The following CYB5D1 variants were observed in gnomAD, a reference collection of about 807,000 sequenced individuals.
The protein encoded by CYB5D1 is cytochrome b5 domain containing 1, also known as cytochrome b5 domain-containing protein 1.
Under a neutral mutation model 24.3 loss-of-function variants are expected in CYB5D1, and 30 were observed. That is an observed-to-expected ratio of 1.23 (90% CI 0.92 to 1.67). CYB5D1 has a LOEUF of 1.67. Among genes scored for constraint, CYB5D1 ranks in the 40% most tolerant of loss-of-function variants. CYB5D1 has a pLI of 0.00. For missense variants in CYB5D1, 265 were observed against 296.7 expected, an observed-to-expected ratio of 0.89 and a Z score of 0.79; for synonymous variants, 128 against 123.2, an observed-to-expected ratio of 1.04 and a Z score of -0.26.
chr17:7,859,471 G>T lies in CYB5D1; in HGVS notation c.546G>T (p.Gly182=). 2 of 1,614,126 alleles carry T rather than the reference G, an allele frequency of 1.2e-6. No individual in the cohort carries two copies. Among genetic ancestry groups the T allele is most frequent in the Non-Finnish European group, 1.7e-6 (2 of 1,180,034 alleles). Residue 182 remains glycine (G), a synonymous_variant, in exon 4 of 4, where the codon GGG becomes GGT. Transcript: ENST00000332439. Reference sequence around the variant, plus strand: ...CCAGCTACACGTGGAAATATGAAGGGAAGAACCTGAACATGGATTTTACCC... The same window carrying T: ...CCAGCTACACGTGGAAATATGAAGGTAAGAACCTGAACATGGATTTTACCC... ...HAASYTWKYE[G]KNLNMDFTLE...
At chr17:7,859,344 C>A in intron 3 of CYB5D1, 38 bp from the exon 4 acceptor site, 1 of 1,553,772 alleles carries the variant, frequency 6.4e-7, no homozygotes, top group Non-Finnish European at 8.9e-7. Context: ...TATACTCCAT[C>A]CAGAATTCTG....
intron 3 of CYB5D1, 150 bp downstream of exon 3, chr17:7,858,974 A>AG (rs1285905938): frequency 1.4e-6 from 1 of 697,540 alleles, no homozygotes; most frequent in East Asian, 2.8e-5. Context: ...CACAGCACCT[A>AG]GGTCCCCAGG....
At chr17:7,859,198 G>C (rs2078863072) in intron 3 of CYB5D1, 184 bp from the exon 4 acceptor site, 2 of 608,494 alleles carry the variant, frequency 3.3e-6, no homozygotes, top group Non-Finnish European at 2.9e-6. Context: ...GTTAGAAGTG[G>C]CTGCCATTAA....
chr17:7,859,290 G>C, intron 3 of CYB5D1, 92 bp from the exon 4 acceptor site: 1 of 994,196 alleles, frequency 1.0e-6, no homozygotes, highest in Non-Finnish European at 1.5e-6. Flanking sequence ...ACCTGAAGCT[G>C]CTATCTGCCA....
In CYB5D1 at chr17:7,859,418, C is replaced by T. The variant is rs200220699; in HGVS notation, c.493C>T (p.Arg165Cys). Residue 165 changes from arginine (R) to cysteine (C), a missense_variant, in exon 4 of 4, where the codon CGC (arginine) becomes TGC (cysteine). By Grantham distance (180) the Arg-to-Cys change is radical (BLOSUM62 -3). Transcript: ENST00000332439. ...GGAGTCCATATGGGAAATCCTACAC[C>T]GCTATCTCCCCTATAACTCACATGC... ...VLESIWEILH[R>C]YLPYNSHAAS... is the part of the protein sequence containing the mutation. 2.1e-5 allele frequency: 34 copies of T among 1,614,030 alleles called. No individual in the cohort carries two copies. Among genetic ancestry groups the T allele is most frequent in the Non-Finnish European group, 2.7e-5 (32 of 1,180,010 alleles).
Position 7,858,250 on chromosome 17 carries a change from T to A in CYB5D1, c.116T>A (p.Leu39Gln). The change falls in exon 1 of 4, where the codon CTG (leucine) becomes CAG (glutamine). Residue 39 changes from leucine to glutamine, a missense_variant. By Grantham distance (113) the Leu-to-Gln change is moderately radical. Transcript: ENST00000332439. ...CCCGAAGACCTCTGGGTATCTTACC[T>A]GGGACGCGTGTACGACCTAACGTCA... ...NRPEDLWVSY[L>Q]GRVYDLTSLA... 6.2e-7 allele frequency: 1 copy of A among 1,614,000 alleles called. No individual in the cohort carries two copies. The highest frequency in any genetic ancestry group is 8.5e-7 in the Non-Finnish European group (1 of 1,179,994).
intron 3 of CYB5D1, 52 bp downstream of exon 3, chr17:7,858,876 A>G: frequency 2.1e-6 from 3 of 1,456,980 alleles, no homozygotes; most frequent in Non-Finnish European, 2.8e-6. Context: ...ATCCCAGCAA[A>G]TCTCCAGGCC....
At chr17:7,858,335 G>C in intron 1 of CYB5D1, 41 bp downstream of exon 1, 1 of 1,614,024 alleles carries the variant, frequency 6.2e-7, no homozygotes, top group Non-Finnish European at 8.5e-7. Flanking sequence ...GTGTGTGTGT[G>C]TGCACGCGCG....
In CYB5D1 at chr17:7,859,520, G is replaced by A; in HGVS notation, c.595G>A (p.Glu199Lys). The change falls in exon 4 of 4, where the codon GAG becomes AAG. Residue 199 changes from glutamate to lysine, a missense_variant. Coordinates refer to ENST00000332439, the MANE Select transcript of CYB5D1 (RefSeq NM_144607.6). ...FTLEENGIRD[E>K]EEEFDYLSMD... ...CCTGGAAGAGAATGGGATCCGGGAT[G>A]AGGAGGAAGAATTTGACTATCTCAG... is the stretch of plus-strand genomic sequence containing the variant. 1.2e-6 allele frequency: 2 copies of A among 1,614,222 alleles called. No individual in the cohort carries two copies. The highest frequency in any genetic ancestry group is 8.5e-7 in the Non-Finnish European group (1 of 1,180,040).
chr17:7,858,331 G>A (rs2078850446), intron 1 of CYB5D1, 37 bp downstream of exon 1: 2 of 1,613,904 alleles, frequency 1.2e-6, no homozygotes, highest in Non-Finnish European at 1.7e-6. Context: ...CGGAGTGTGT[G>A]TGTGTGCACG....
In CYB5D1 at chr17:7,860,118, GATATT is replaced by G. The variant is rs2151386731; in HGVS notation, c.*510_*514del. 5.9e-6 allele frequency: 1 copy of G among 169,520 alleles called. No homozygotes were observed. The highest frequency in any genetic ancestry group is 5.6e-5 in the Admixed American group (1 of 17,712). 10.5% of individuals were successfully genotyped at this position (169,520 alleles called of 1,614,324 possible). A position where few individuals can be genotyped will look rare whatever the true frequency, so the allele number is the denominator to read the frequency against. On this transcript the variant is annotated 3_prime_UTR_variant, in exon 4 of 4. Transcript: ENST00000332439. ...GCGTCATTATAGGCAATTCAGGCTA[GATATT>G]ATACTAGGTACTTCATATACCCTCT...
In CYB5D1 at chr17:7,860,229, C is replaced by T. The variant is rs974539732; in HGVS notation, c.*617C>T. ...AGTGCAGTGGCAAAATCATGGCTCA[C>T]TGCAGCCTGGAGCTCCTGGGCACAA... On this transcript the variant is annotated 3_prime_UTR_variant, in exon 4 of 4. Transcript: ENST00000332439. 4 of 152,788 alleles carry T rather than the reference C, an allele frequency of 2.6e-5. No individual in the cohort carries two copies. The highest frequency in any genetic ancestry group is 7.3e-5 in the African/African-American group (3 of 41,312). The allele number at this position is 152,788 out of a possible 1,614,324, so 9.5% of individuals were successfully genotyped here.
rs780092780 is a variant in CYB5D1, at chr17:7,858,193, T to G, written c.59T>G (p.Phe20Cys). The change falls in exon 1 of 4, where the codon TTC (phenylalanine) becomes TGC (cysteine). Residue 20 changes from phenylalanine (F) to cysteine (C), a missense_variant. Physicochemically the swap from Phe to Cys is radical, Grantham distance 205. Coordinates refer to ENST00000332439, the MANE Select transcript of CYB5D1 (RefSeq NM_144607.6). ...PDLEYFQRRY[F>C]TPAEVAQHNR... ...TTGGAGTATTTTCAGCGTCGCTATT[T>G]CACGCCGGCGGAGGTGGCCCAACAT... 4 of 1,613,950 alleles carry G rather than the reference T, an allele frequency of 2.5e-6. No individual in the cohort carries two copies. In the Admixed American group the frequency reaches 6.7e-5, roughly 27 times the overall value.
chr17:7,859,284 GA>G (rs2078864091), intron 3 of CYB5D1, 97 bp from the exon 4 acceptor site: 2 of 932,828 alleles, frequency 2.1e-6, no homozygotes, highest in South Asian at 1.5e-5. Flanking sequence ...TAGAGTACCT[GA>G]AGCTGCTATC....
At position 7,858,594 on chromosome 17, in the gene CYB5D1, C is replaced by G. The variant is rs201752570; in HGVS notation, c.238-12C>G. On this transcript the variant is annotated splice_polypyrimidine_tract_variant and intron_variant, in intron 2 of 3. Transcript: ENST00000332439. ...CTGCTCTGACACCCTCGCCCCAAAC[C>G]CTCCTTTAAAGATCCGCAAGCACAT... 4.4e-5 allele frequency: 71 copies of G among 1,606,736 alleles called. No homozygotes were observed. Among genetic ancestry groups the G allele is most frequent in the Non-Finnish European group, 5.9e-5 (69 of 1,174,790 alleles).
In CYB5D1 at chr17:7,859,664, T is replaced by C. The variant is rs2078868676; in HGVS notation, c.*52T>C. ...TCAAGACGTATTTCGAGTTTGGCTTTTTCTGTGCCTTGAGGAAAAGTGGTG... is the reference window on the plus strand; with the variant it reads ...TCAAGACGTATTTCGAGTTTGGCTTCTTCTGTGCCTTGAGGAAAAGTGGTG... On this transcript the variant is annotated 3_prime_UTR_variant, in exon 4 of 4. Coordinates refer to ENST00000332439, the MANE Select transcript of CYB5D1 (RefSeq NM_144607.6). The C allele has an allele frequency of 6.4e-7, 1 of 1,567,466 alleles. No individual in the cohort carries two copies. Among genetic ancestry groups the C allele is most frequent in the Non-Finnish European group, 8.8e-7 (1 of 1,140,192 alleles).
rs934654547 is a variant in CYB5D1, at chr17:7,859,899, G to A, written c.*287G>A. On this transcript the variant is annotated 3_prime_UTR_variant, in exon 4 of 4. Transcript: ENST00000332439. ...AGTCAGAGTTCAGGCAGAACTGTTT[G>A]ATAGTTAAGAGAGAGTAGTTCTACA... 4 of 420,072 alleles carry A rather than the reference G, an allele frequency of 9.5e-6. No individual in the cohort carries two copies. The highest frequency in any genetic ancestry group is 8.0e-5 in the African/African-American group (4 of 50,070). The allele number at this position is 420,072 out of a possible 1,614,324, so 26.0% of individuals were successfully genotyped here. A position where few individuals can be genotyped will look rare whatever the true frequency, so the allele number is the denominator to read the frequency against.
Position 7,858,148 on chromosome 17 carries a change from G to T in CYB5D1, c.14G>T (p.Gly5Val). MPRR[G>V]LVAGPDLEYF... ...AGAGCAAGAGCCATGCCGCGCCGGG[G>T]CCTGGTGGCTGGGCCAGACTTGGAG... The change falls in exon 1 of 4, where the codon GGC (glycine) becomes GTC (valine). Residue 5 changes from glycine (G) to valine (V), a missense_variant. Physicochemically the swap from Gly to Val is moderately radical, Grantham distance 109. Coordinates refer to ENST00000332439, the MANE Select transcript of CYB5D1 (RefSeq NM_144607.6). 6.2e-7 allele frequency: 1 copy of T among 1,613,522 alleles called. No homozygotes were observed. The highest frequency in any genetic ancestry group is 8.5e-7 in the Non-Finnish European group (1 of 1,179,918).
Position 7,858,075 on chromosome 17 carries a change from A to G in CYB5D1, c.-60A>G. On this transcript the variant is annotated 5_prime_UTR_variant, in exon 1 of 4. Coordinates refer to ENST00000332439, the MANE Select transcript of CYB5D1 (RefSeq NM_144607.6). ...CGCGACGGAGGTCGTAGTAGTAGTG[A>G]GTACGTGCTGAGGAGCAAAGGAGTA... 1 of 1,601,932 alleles carries G rather than the reference A, an allele frequency of 6.2e-7. No homozygotes were observed. Among genetic ancestry groups the G allele is most frequent in the South Asian group, 1.1e-5 (1 of 90,226 alleles).
Sources: allele counts gnomAD v4.1 joint callset, GRCh38; gene constraint gnomAD v4.1.1; transcripts MANE v1.5; gene names NCBI Gene and HGNC (gene_info 2026-07-23, HGNC 2026-07-21).